Variants in DIPK1A observed in about 807,000 individuals in gnomAD.
DIPK1A encodes the protein divergent protein kinase domain 1A.
Under a neutral mutation model 40.8 loss-of-function variants are expected in DIPK1A, and 27 were observed. The observed-to-expected ratio is 0.66, with a 90% CI of 0.49 to 0.91. The LOEUF is 0.91. Ranked by LOEUF, DIPK1A falls within the 40% of genes least tolerant of loss-of-function variation. The pLI is 0.00. For synonymous variants in DIPK1A, 166 were observed against 171.3 expected, an observed-to-expected ratio of 0.97 and a Z score of 0.24; for missense variants, 412 against 505.7, an observed-to-expected ratio of 0.81 and a Z score of 1.78.
chr1:92,898,284 C>A (rs184897598), intron 1 of DIPK1A, among the ~76,000 whole-genome samples: 1 of 151,992 alleles, frequency 6.6e-6, no homozygotes, highest in African/African-American at 2.4e-5. Flanking sequence ...AAGAGAGCAA[C>A]GGGGGAAGGG....
chr1:92,846,893 GTATA>G (rs1557450314), intron 4 of DIPK1A, among the ~76,000 whole-genome samples: 1 of 37,456 alleles, frequency 2.7e-5, no homozygotes, highest in East Asian at 4.1e-4. Context: ...ACACACACAC[GTATA>G]TATATATATA....
intron 4 of DIPK1A, 75 bp downstream of exon 4, chr1:92,847,108 G>A (rs1370026727): frequency 1.1e-6 from 1 of 915,600 alleles, no homozygotes; most frequent in African/African-American, 1.7e-5. Flanking sequence ...CACTTTAATG[G>A]CTTAGGATGA....
In DIPK1A at chr1:92,941,989, C is replaced by CA. The variant is rs796153358; in HGVS notation, c.54+19386dup. ...TGGGTGACAGAGGGAGACTCTGTCT[C>CA]AAAAAAAAAAAAAAGCCAGTGTGCA... is the stretch of plus-strand genomic sequence containing the variant. On this transcript the variant is annotated intron_variant, in intron 1 of 4. Coordinates refer to ENST00000370310, the MANE Select transcript of DIPK1A (RefSeq NM_001006605.5). 6.9e-3 allele frequency among the ~76,000 whole-genome samples: 608 copies of CA among 88,106 alleles called. 5 individuals are homozygous for CA. The highest frequency in any genetic ancestry group is 0.016 in the African/African-American group (401 of 24,876). 57.8% of individuals were successfully genotyped at this position (88,106 alleles called of 152,430 possible). A position where few individuals can be genotyped will look rare whatever the true frequency, so the allele number is the denominator to read the frequency against.
intron 1 of DIPK1A, among the ~76,000 whole-genome samples, chr1:92,946,356 G>T (rs1039457776): frequency 2.0e-5 from 3 of 152,102 alleles, no homozygotes; most frequent in Non-Finnish European, 2.9e-5. Context: ...CTTTGGCAGT[G>T]TAAAATTAAA....
At chr1:92,905,306 G>A (rs1161726575) in intron 1 of DIPK1A, among the ~76,000 whole-genome samples, 1 of 151,880 alleles carries the variant, frequency 6.6e-6, no homozygotes, top group Non-Finnish European at 1.5e-5. Flanking sequence ...CTACATCCTT[G>A]CCAGCATTTG....
At chr1:92,942,314 T>C (rs1359205579) in intron 1 of DIPK1A, among the ~76,000 whole-genome samples, 1 of 152,234 alleles carries the variant, frequency 6.6e-6, no homozygotes, top group Non-Finnish European at 1.5e-5. Flanking sequence ...CTTTCTATTT[T>C]ACCAAATTGC....
intron 1 of DIPK1A, among the ~76,000 whole-genome samples, chr1:92,897,859 G>T (rs2100815696): frequency 6.6e-6 from 1 of 152,166 alleles, no homozygotes; most frequent in South Asian, 2.1e-4. Flanking sequence ...TACACTTTGG[G>T]ATGCCAAAGC....
chr1:92,844,323 T>G (rs1557447817), intron 4 of DIPK1A, 128 bp from the exon 5 acceptor site: 1 of 634,262 alleles, frequency 1.6e-6, no homozygotes, highest in East Asian at 2.7e-5. Context: ...AAACAGGAAC[T>G]TAATGTATTA....
In DIPK1A at chr1:92,842,945, T is replaced by G. The variant is rs1687434162; in HGVS notation, c.*438A>C. 1.0e-6 allele frequency: 1 copy of G among 989,426 alleles called. No homozygotes were observed. Among genetic ancestry groups the G allele is most frequent in the African/African-American group, 1.7e-5 (1 of 57,300 alleles). 61.3% of individuals were successfully genotyped at this position (989,426 alleles called of 1,614,324 possible). A position where few individuals can be genotyped will look rare whatever the true frequency, so the allele number is the denominator to read the frequency against. Reference sequence around the variant, plus strand: ...AGTTTAACCTGCTTTGCAGTCTTAATTTCTGTTAATGTGCAAACTTTACCA... The same window carrying G: ...AGTTTAACCTGCTTTGCAGTCTTAAGTTCTGTTAATGTGCAAACTTTACCA... On this transcript the variant is annotated 3_prime_UTR_variant, in exon 5 of 5. Coordinates refer to ENST00000370310, the MANE Select transcript of DIPK1A (RefSeq NM_001006605.5).
chr1:92,906,164 A>G (rs1649614361), intron 1 of DIPK1A, among the ~76,000 whole-genome samples: 1 of 152,078 alleles, frequency 6.6e-6, no homozygotes, highest in South Asian at 2.1e-4. Context: ...TGAAGGATTT[A>G]AAAAATTATA....
intron 1 of DIPK1A, among the ~76,000 whole-genome samples, chr1:92,939,561 C>T (rs1557493578): frequency 6.6e-6 from 1 of 152,210 alleles, no homozygotes; most frequent in Non-Finnish European, 1.5e-5. Flanking sequence ...AAAGCTTAAC[C>T]CTCTGCTTCC....
intron 1 of DIPK1A, 58 bp downstream of exon 1, chr1:92,961,318 C>A: frequency 1.5e-6 from 2 of 1,330,430 alleles, no homozygotes; most frequent in South Asian, 1.3e-5. Context: ...CTGCGCGGCG[C>A]GGCAGGGCAC....
chr1:92,936,662 G>A (rs1007065036), intron 1 of DIPK1A, among the ~76,000 whole-genome samples: 1 of 151,114 alleles, frequency 6.6e-6, no homozygotes, highest in African/African-American at 2.4e-5. Context: ...AAAGAAGAAA[G>A]AAAGAAGCTC....
chr1:92,836,082 A>G (rs1687113102), intron 4 of DIPK1A: 2 of 1,038,496 alleles, frequency 1.9e-6, no homozygotes, highest in Non-Finnish European at 3.0e-6. Context: ...GTGGAAGGAA[A>G]TTTTCTTTTC....
At chr1:92,869,867 C>T (rs1647747784) in intron 2 of DIPK1A, among the ~76,000 whole-genome samples, 1 of 152,098 alleles carries the variant, frequency 6.6e-6, no homozygotes, top group Admixed American at 6.6e-5. Context: ...TTAGACTCCA[C>T]ATTTCAAAAC....
intron 1 of DIPK1A, among the ~76,000 whole-genome samples, chr1:92,911,265 C>T (rs767258708): frequency 6.6e-6 from 1 of 152,186 alleles, no homozygotes; most frequent in Non-Finnish European, 1.5e-5. Flanking sequence ...GCTCTTATAA[C>T]AGAGGCCCCA....
At chr1:92,945,668 C>T (rs183133918) in intron 1 of DIPK1A, among the ~76,000 whole-genome samples, 82 of 152,162 alleles carry the variant, frequency 5.4e-4, no homozygotes, top group Middle Eastern at 3.4e-3. Context: ...TTTCTATAAA[C>T]ACAGAATCAA....
chr1:92,933,798 C>A, intron 1 of DIPK1A: 1 of 152,174 alleles, frequency 6.6e-6, no homozygotes, highest in Non-Finnish European at 1.5e-5. Context: ...AAGGACCACA[C>A]ATAAAGGGCT....
At chr1:92,914,435 C>T (rs954537181) in intron 1 of DIPK1A, among the ~76,000 whole-genome samples, 5 of 152,076 alleles carry the variant, frequency 3.3e-5, no homozygotes, top group African/African-American at 1.2e-4. Context: ...AGAAGAAATA[C>T]AGCACAGGAG....
Sources: gnomAD v4.1 joint callset for allele counts (sites outside exome capture counted in the v4.1 genomes callset) on GRCh38, gnomAD v4.1.1 for gene constraint, MANE v1.5 for transcripts, NCBI Gene and HGNC (gene_info 2026-07-23, HGNC 2026-07-21) for gene names.